The following LRP1B variants were observed in gnomAD, a reference collection of about 807,000 sequenced individuals.
LRP1B encodes the protein low-density lipoprotein receptor-related protein 1B.
Under a neutral mutation model 556.6 loss-of-function variants are expected in LRP1B, and 217 were observed. The ratio of observed to expected loss-of-function variants is 0.39; its 90% CI spans 0.35 to 0.44. The LOEUF is 0.44. Among genes scored for constraint, LRP1B ranks in the 20% least tolerant of loss-of-function variants. LRP1B has a pLI of 1.00. For missense variants in LRP1B, 5,053 were observed against 5,620.8 expected (o/e 0.90, Z 3.23); for synonymous variants, 2,047 against 1,865.8 (o/e 1.10, Z -2.50).
intron 5 of LRP1B, among the ~76,000 whole-genome samples, chr2:141,244,931 C>T (rs1032941689): frequency 2.6e-5 from 4 of 152,070 alleles, no homozygotes; most frequent in African/African-American, 9.7e-5. Flanking sequence ...TTATGTATTC[C>T]ATTATCAATT....
intron 43 of LRP1B, among the ~76,000 whole-genome samples, chr2:140,547,494 G>A (rs753666784): frequency 1.3e-5 from 2 of 152,002 alleles, no homozygotes; most frequent in African/African-American, 2.4e-5. Flanking sequence ...GGGGTCAGTG[G>A]TAATATCTCC....
At chr2:140,658,859 T>G (rs2105335521) in intron 41 of LRP1B, among the ~76,000 whole-genome samples, 1 of 152,132 alleles carries the variant, frequency 6.6e-6, no homozygotes, top group African/African-American at 2.4e-5. Flanking sequence ...TAATAGGTTG[T>G]TTATGATTTG....
In LRP1B at chr2:140,485,404, T is replaced by A. The variant is rs1435362185; in HGVS notation, c.9364A>T (p.Thr3122Ser). The change falls in exon 59 of 91, where the codon ACT becomes TCT. Residue 3122 changes from threonine (T) to serine (S), a missense_variant. This residue lies in a region of LRP1B where 3,619 missense variants were observed against 3,931.9 expected (regional missense o/e 0.92). Coordinates refer to ENST00000389484, the MANE Select transcript of LRP1B (RefSeq NM_018557.3). ...TTCAGCCTTTTGCTAACGAGTATAG[T>A]AGGGTACAAGCCATTGAGTTTGGAT... Reference protein sequence around the residue: ...EVSKLNGLYPTILVSKRLKFP... With the variant: ...EVSKLNGLYPSILVSKRLKFP... 6.8e-6 allele frequency: 11 copies of A among 1,613,772 alleles called. No individual in the cohort carries two copies. Among genetic ancestry groups the A allele is most frequent in the African/African-American group, 1.3e-5 (1 of 74,920 alleles).
chr2:141,131,174 C>T (rs1222081140), intron 7 of LRP1B, among the ~76,000 whole-genome samples: 1 of 142,168 alleles, frequency 7.0e-6, no homozygotes, highest in South Asian at 2.4e-4. Context: ...ATAGTCTCCA[C>T]TTACAGTGGT....
intron 3 of LRP1B, among the ~76,000 whole-genome samples, chr2:141,370,413 T>A (rs558193487): frequency 5.9e-4 from 90 of 152,284 alleles, no homozygotes; most frequent in African/African-American, 2.1e-3. Flanking sequence ...ATGTTCAATG[T>A]TTTTTCATAG....
chr2:141,126,498 C>T (rs1218872183), intron 7 of LRP1B, among the ~76,000 whole-genome samples: 1 of 152,170 alleles, frequency 6.6e-6, no homozygotes, highest in African/African-American at 2.4e-5. Context: ...CATCTATTAT[C>T]CCTCCTTGTT....
intron 37 of LRP1B, among the ~76,000 whole-genome samples, chr2:140,705,934 C>T (rs887993670): frequency 6.6e-6 from 1 of 151,990 alleles, no homozygotes; most frequent in African/African-American, 2.4e-5. Context: ...TTTATTTGCT[C>T]CTTAAACTGA....
intron 3 of LRP1B, among the ~76,000 whole-genome samples, chr2:141,326,631 G>T (rs1165606555): frequency 6.6e-6 from 1 of 152,150 alleles, no homozygotes; most frequent in Non-Finnish European, 1.5e-5. Flanking sequence ...CATTTTGTGG[G>T]TTGCTACAAT....
chr2:140,424,087 G>A (rs1249964743), intron 66 of LRP1B, among the ~76,000 whole-genome samples: 1 of 152,092 alleles, frequency 6.6e-6, no homozygotes, highest in African/African-American at 2.4e-5. Context: ...GACAAAATCT[G>A]AAACATATTC....
intron 72 of LRP1B, among the ~76,000 whole-genome samples, chr2:140,362,099 T>C (rs952850757): frequency 4.6e-5 from 7 of 151,700 alleles, no homozygotes; most frequent in African/African-American, 1.7e-4. Flanking sequence ...TATATTGTGC[T>C]AGCACAGGCT....
chr2:141,822,114 CACACACACACACACACAG>C (rs1184280910), intron 1 of LRP1B, among the ~76,000 whole-genome samples: 1 of 111,558 alleles, frequency 9.0e-6, no homozygotes, highest in African/African-American at 4.2e-5. Flanking sequence ...CACACACACA[CACACACACACACACACAG>C]AGAGAGAGAG....
At chr2:141,261,671 T>C (rs1684692002) in intron 3 of LRP1B, among the ~76,000 whole-genome samples, 1 of 152,160 alleles carries the variant, frequency 6.6e-6, no homozygotes, top group Non-Finnish European at 1.5e-5. Context: ...TTCATCTATA[T>C]TATTGTTAGT....
chr2:140,323,123 C>T (rs1680243064), intron 81 of LRP1B, among the ~76,000 whole-genome samples: 1 of 152,112 alleles, frequency 6.6e-6, no homozygotes, highest in Non-Finnish European at 1.5e-5. Context: ...AAATCCATTT[C>T]ATTTGCCATA....
chr2:141,624,065 G>C (rs1019380044), intron 2 of LRP1B, among the ~76,000 whole-genome samples: 1 of 72,474 alleles, frequency 1.4e-5, no homozygotes, highest in Non-Finnish European at 3.3e-5. Context: ...AAAAAAACAA[G>C]ATTAGTACAT....
chr2:141,277,315 T>G (rs185387103), intron 3 of LRP1B, among the ~76,000 whole-genome samples: 269 of 152,296 alleles, frequency 1.8e-3, no homozygotes, highest in African/African-American at 6.1e-3. Flanking sequence ...TTTTTAGGCT[T>G]TTTAATAATA....
At chr2:141,577,082 G>A (rs1275656284) in intron 2 of LRP1B, among the ~76,000 whole-genome samples, 1 of 151,980 alleles carries the variant, frequency 6.6e-6, no homozygotes, top group East Asian at 1.9e-4. Flanking sequence ...ACACCTAATT[G>A]TAACTGCAAC....
intron 43 of LRP1B, among the ~76,000 whole-genome samples, chr2:140,552,287 A>G (rs1680573065): frequency 6.6e-6 from 1 of 152,140 alleles, no homozygotes; most frequent in Non-Finnish European, 1.5e-5. Flanking sequence ...TGACATAAAT[A>G]AAAACAGTTA....
At chr2:141,286,034 T>G (rs1264160859) in intron 3 of LRP1B, among the ~76,000 whole-genome samples, 1 of 121,160 alleles carries the variant, frequency 8.3e-6, no homozygotes, top group Non-Finnish European at 1.6e-5. Flanking sequence ...GCCACTGCAC[T>G]CCAGCCTGGG....
chr2:140,590,276 A>G (rs1175365152), intron 43 of LRP1B, among the ~76,000 whole-genome samples: 1 of 148,104 alleles, frequency 6.8e-6, no homozygotes, highest in Non-Finnish European at 1.5e-5. Context: ...ATATATGTAT[A>G]TATATCTATA....
Sources: gnomAD v4.1 joint callset for allele counts (sites outside exome capture counted in the v4.1 genomes callset) on GRCh38, gnomAD v4.1.1 for gene constraint, gnomAD v4.1.1 regional missense constraint, MANE v1.5 for transcripts, NCBI Gene and HGNC (gene_info 2026-07-23, HGNC 2026-07-21) for gene names.